UBE2D3: variants seen among roughly 807,000 people sequenced by gnomAD.
The protein encoded by UBE2D3 is ubiquitin conjugating enzyme E2 D3, also known as ubiquitin-conjugating enzyme E2 D3.
A neutral mutation model predicts 22.8 loss-of-function variants in UBE2D3; 2 were observed. The observed-to-expected ratio is 0.09, with a 90% CI of 0.04 to 0.28. UBE2D3 has a LOEUF of 0.28. Ranked by LOEUF, UBE2D3 falls within the 10% of genes least tolerant of loss-of-function variation. UBE2D3 has a pLI of 1.00. For synonymous variants in UBE2D3, 56 were observed against 60.4 expected, an observed-to-expected ratio of 0.93 and a Z score of 0.34; for missense variants, 27 against 182.5, an observed-to-expected ratio of 0.15 and a Z score of 4.91.
upstream of UBE2D3, chr4:102,828,192 G>C (rs1309958108): frequency 1.0e-6 from 1 of 985,358 alleles, no homozygotes; most frequent in Non-Finnish European, 1.2e-6. Flanking sequence ...ACTGGTAAGA[G>C]CGCGCGCAGA....
At chr4:102,853,434 T>C (rs1732475986) in intron 1 of UBE2D3, among the ~76,000 whole-genome samples, 1 of 152,164 alleles carries the variant, frequency 6.6e-6, no homozygotes, top group Non-Finnish European at 1.5e-5. Flanking sequence ...ACAATGTCCA[T>C]GTCCATCATA....
intron 4 of UBE2D3, among the ~76,000 whole-genome samples, chr4:102,805,152 A>C (rs1726829441): frequency 6.6e-6 from 1 of 152,254 alleles, no homozygotes; most frequent in South Asian, 2.1e-4. Context: ...AAAGAACTTT[A>C]TAAAGAAGGC....
chr4:102,817,193 T>A (rs987513784), intron 2 of UBE2D3, among the ~76,000 whole-genome samples: 1 of 152,174 alleles, frequency 6.6e-6, no homozygotes, highest in Non-Finnish European at 1.5e-5. Flanking sequence ...CCAGACAGAG[T>A]ACACCAGGAG....
At chr4:102,828,191 A>G (rs1017650830), upstream of UBE2D3, 1 of 985,282 alleles carries the variant, frequency 1.0e-6, no homozygotes, top group Non-Finnish European at 1.2e-6. Context: ...GACTGGTAAG[A>G]GCGCGCGCAG....
chr4:102,822,504 T>C (rs371858746), intron 2 of UBE2D3, among the ~76,000 whole-genome samples: 10 of 152,252 alleles, frequency 6.6e-5, no homozygotes, highest in African/African-American at 9.6e-5. Flanking sequence ...TTTCAAAATA[T>C]TATTAGCCAA....
At chr4:102,802,301 A>C in intron 5 of UBE2D3, 1 of 281,836 alleles carries the variant, frequency 3.5e-6, no homozygotes, top group Middle Eastern at 1.0e-3. Flanking sequence ...GAATCTGTGT[A>C]ACAATAATAC....
chr4:102,826,199 AAAAAT>A (rs201693050), intron 2 of UBE2D3, among the ~76,000 whole-genome samples: 1,841 of 152,202 alleles, frequency 0.012, 20 homozygotes, highest in African/African-American at 0.036. Context: ...TAAGCAGCAA[AAAAAT>A]AAAATAATAA....
chr4:102,827,256 CCCTCCT>C (rs1372275359), intron 1 of UBE2D3, 165 bp downstream of exon 1: 1 of 963,144 alleles, frequency 1.0e-6, no homozygotes, highest in South Asian at 4.8e-5. Context: ...CGCCCATTCC[CCCTCCT>C]CCTCCAGCAG....
At chr4:102,820,812 G>A (rs1056235756) in intron 2 of UBE2D3, among the ~76,000 whole-genome samples, 1 of 152,074 alleles carries the variant, frequency 6.6e-6, no homozygotes, top group Non-Finnish European at 1.5e-5. Context: ...TTACACATTA[G>A]CCATGAAATT....
chr4:102,855,684 A>G (rs2110373101), intron 1 of UBE2D3, among the ~76,000 whole-genome samples: 1 of 152,240 alleles, frequency 6.6e-6, no homozygotes, highest in East Asian at 1.9e-4. Context: ...TGGCCTCCTG[A>G]AGTGCTGTGA....
At chr4:102,838,092 C>T (rs1051324507) in intron 1 of UBE2D3, among the ~76,000 whole-genome samples, 1 of 152,124 alleles carries the variant, frequency 6.6e-6, no homozygotes, top group East Asian at 1.9e-4. Flanking sequence ...GCACTCCTAC[C>T]TGGTGACAGA....
At chr4:102,814,771 C>CGA in intron 2 of UBE2D3, among the ~76,000 whole-genome samples, 1 of 152,150 alleles carries the variant, frequency 6.6e-6, no homozygotes, top group Non-Finnish European at 1.5e-5. Context: ...CTTAATTCAT[C>CGA]TGTTACTGAA....
chr4:102,866,767 C>T (rs76615603), intron 1 of UBE2D3, among the ~76,000 whole-genome samples: 1 of 152,126 alleles, frequency 6.6e-6, no homozygotes, highest in Non-Finnish European at 1.5e-5. Flanking sequence ...GACAGATCCT[C>T]TAAGAGAAGA....
upstream of UBE2D3, among the ~76,000 whole-genome samples, chr4:102,828,354 T>G (rs1730897766): frequency 6.6e-6 from 1 of 151,660 alleles, no homozygotes; most frequent in South Asian, 2.1e-4. Flanking sequence ...CCTGGGCTGG[T>G]TATGCTGTGG....
chr4:102,826,811 G>A (rs1234234838), intron 1 of UBE2D3, 175 bp from the exon 2 acceptor site: 9 of 1,237,196 alleles, frequency 7.3e-6, no homozygotes, highest in African/African-American at 3.1e-5. Context: ...CGGGAAGAGC[G>A]GAGGTGGTGG....
chr4:102,803,673 T>C lies in UBE2D3; in HGVS notation c.121-1035A>G, dbSNP rs1173694120. Among the ~76,000 whole-genome samples, 4 of 152,296 alleles carry C rather than the reference T, an allele frequency of 2.6e-5. No individual in the cohort carries two copies. In the East Asian group the frequency reaches 7.7e-4, roughly 29 times the overall value. On this transcript the variant is annotated intron_variant, in intron 4 of 7. Coordinates refer to ENST00000453744, the MANE Select transcript of UBE2D3 (RefSeq NM_181891.3). ...AGTAACTGCAATGAAATGTTATAGG[T>C]ATCATGAAATATGAACAAGGGACAC... is the stretch of plus-strand genomic sequence containing the variant.
intron 1 of UBE2D3, among the ~76,000 whole-genome samples, chr4:102,839,032 C>T (rs749269303): frequency 3.3e-5 from 5 of 151,996 alleles, no homozygotes; most frequent in African/African-American, 7.3e-5. Flanking sequence ...AATACTATAG[C>T]AGTCCAGAGA....
At chr4:102,837,628 G>T (rs1340218143) in intron 1 of UBE2D3, among the ~76,000 whole-genome samples, 2 of 151,654 alleles carry the variant, frequency 1.3e-5, no homozygotes, top group Non-Finnish European at 2.9e-5. Flanking sequence ...TTTGAGACAA[G>T]CTTAGGCAAC....
intron 1 of UBE2D3, among the ~76,000 whole-genome samples, chr4:102,840,816 G>A (rs1731708000): frequency 6.6e-6 from 1 of 152,098 alleles, no homozygotes; most frequent in African/African-American, 2.4e-5. Flanking sequence ...TCATAAATAT[G>A]TAAACTATTA....
Sources: allele counts gnomAD v4.1 joint callset (sites outside exome capture counted in the v4.1 genomes callset), GRCh38; gene constraint gnomAD v4.1.1; transcripts MANE v1.5; gene names NCBI Gene and HGNC (gene_info 2026-07-23, HGNC 2026-07-21).